Variants in CPNE8 observed in about 807,000 individuals in gnomAD.
CPNE8 encodes copine-8.
In CPNE8, 45 loss-of-function variants were observed where a neutral mutation model predicts 81.5. That is an observed-to-expected ratio of 0.55 (90% CI 0.44 to 0.71). The LOEUF (loss-of-function observed/expected upper bound fraction) is 0.71. CPNE8 is among the 30% of genes least tolerant of loss of function. The pLI, the probability that CPNE8 is intolerant of heterozygous loss-of-function variation, is 0.00. For missense variants in CPNE8, 594 were observed against 672.1 expected, an observed-to-expected ratio of 0.88 and a Z score of 1.28; for synonymous variants, 252 against 226.3, an observed-to-expected ratio of 1.11 and a Z score of -1.02.
At chr12:38,734,918 G>C (rs992131373) in intron 10 of CPNE8, among the ~76,000 whole-genome samples, 9 of 152,058 alleles carry the variant, frequency 5.9e-5, no homozygotes, top group Non-Finnish European at 1.3e-4. Context: ...GGCTTGTGTT[G>C]TTCTCATGCA....
intron 3 of CPNE8, among the ~76,000 whole-genome samples, chr12:38,870,165 T>C (rs889927116): frequency 7.2e-5 from 11 of 152,146 alleles, no homozygotes; most frequent in Admixed American, 4.6e-4. Flanking sequence ...GTGGAGAAAA[T>C]AGGAATGCTT....
chr12:38,763,593 T>C (rs1194036774), intron 8 of CPNE8, among the ~76,000 whole-genome samples: 2 of 152,192 alleles, frequency 1.3e-5, no homozygotes, highest in Non-Finnish European at 2.9e-5. Flanking sequence ...TGGGGCAGAA[T>C]TCATGAAGCC....
rs758934752 is a variant in CPNE8 at position 38,675,760 on chromosome 12, T to G, written c.1389A>C (p.Pro463=). 2 of 1,604,716 alleles carry G rather than the reference T, an allele frequency of 1.2e-6. No homozygotes were observed. Among genetic ancestry groups the G allele is most frequent in the Admixed American group, 3.3e-5 (2 of 59,888 alleles). Residue 463 remains proline (P), a synonymous_variant, in exon 18 of 20, where the codon CCA becomes CCC. Transcript: ENST00000331366. Reference sequence around the variant, plus strand: ...CAACACCTACTATAATTATTGACATTGGAAGTTTTGAGGCCTTCAAAGAGA... The same window carrying G: ...CAACACCTACTATAATTATTGACATGGGAAGTTTTGAGGCCTTCAAAGAGA... ...KESIVNASKL[P]MSIIIVGVGP...
At chr12:38,730,420 A>C in intron 10 of CPNE8, 62 bp from the exon 11 acceptor site, 1 of 907,522 alleles carries the variant, frequency 1.1e-6, no homozygotes, top group South Asian at 1.5e-5. Context: ...CTGTATTTTA[A>C]AGTTTTTAGA....
chr12:38,653,711 T>G lies in CPNE8; in HGVS notation c.*171A>C. ...TCTGTTGCTCATGCAACAACCATAT[T>G]TACAGTTTTGGTTTAGGAAGATATT... On this transcript the variant is annotated 3_prime_UTR_variant, in exon 20 of 20. Coordinates refer to ENST00000331366, the MANE Select transcript of CPNE8 (RefSeq NM_153634.3). 1.1e-6 allele frequency: 1 copy of G among 927,000 alleles called. No homozygotes were observed. Among genetic ancestry groups the G allele is most frequent in the Non-Finnish European group, 1.5e-6 (1 of 686,396 alleles). 57.4% of individuals were successfully genotyped at this position (927,000 alleles called of 1,614,324 possible).
intron 3 of CPNE8, among the ~76,000 whole-genome samples, chr12:38,859,711 A>G (rs1163626979): frequency 3.3e-5 from 5 of 152,156 alleles, no homozygotes; most frequent in African/African-American, 7.2e-5. Flanking sequence ...CATAGTACTG[A>G]TAACAACAGC....
intron 14 of CPNE8, 54 bp from the exon 15 acceptor site, chr12:38,693,892 C>T (rs1188148583): frequency 7.1e-7 from 1 of 1,412,852 alleles, no homozygotes; most frequent in African/African-American, 1.4e-5. Context: ...ATAAATTTAA[C>T]AAAATTTTTC....
intron 19 of CPNE8, among the ~76,000 whole-genome samples, chr12:38,666,712 CT>C (rs1384011332): frequency 1.3e-5 from 2 of 152,072 alleles, no homozygotes; most frequent in Non-Finnish European, 1.5e-5. Flanking sequence ...TAAAGAAGAG[CT>C]TGAAGTCAGG....
chr12:38,782,822 A>C lies in CPNE8; in HGVS notation c.408-6521T>G, dbSNP rs539076219. On this transcript the variant is annotated intron_variant, in intron 6 of 19. Transcript: ENST00000331366. ...CAGCCTTCCAAGTAGCTAGGAATACACATATGTGCCACCATGCTCAGCTAA... is the reference window on the plus strand; with the variant it reads ...CAGCCTTCCAAGTAGCTAGGAATACCCATATGTGCCACCATGCTCAGCTAA... Among the ~76,000 whole-genome samples the C allele has an allele frequency of 1.4e-4, 22 of 152,068 alleles. No individual in the cohort carries two copies. In the South Asian group the frequency reaches 2.7e-3, roughly 19 times the overall value.
intron 10 of CPNE8, among the ~76,000 whole-genome samples, chr12:38,754,095 T>C (rs955710636): frequency 6.6e-6 from 1 of 152,204 alleles, no homozygotes; most frequent in Non-Finnish European, 1.5e-5. Flanking sequence ...TGACTTTCAA[T>C]GTACAAGGAA....
chr12:38,787,486 TAAA>T (rs34801044), intron 6 of CPNE8, among the ~76,000 whole-genome samples: 3 of 130,486 alleles, frequency 2.3e-5, no homozygotes, highest in African/African-American at 2.8e-5. Context: ...GTGCTTCCAT[TAAA>T]AAAAAAAAAA....
intron 1 of CPNE8, among the ~76,000 whole-genome samples, chr12:38,877,394 GAGA>G (rs1565658953): frequency 1.3e-5 from 2 of 151,902 alleles, no homozygotes; most frequent in Non-Finnish European, 2.9e-5. Context: ...GATTTTATAT[GAGA>G]AGGCTACTCT....
At chr12:38,838,433 A>G (rs1943419277) in intron 5 of CPNE8, among the ~76,000 whole-genome samples, 1 of 152,196 alleles carries the variant, frequency 6.6e-6, no homozygotes, top group Non-Finnish European at 1.5e-5. Context: ...CTTCACATTT[A>G]TGACATGCTC....
At position 38,829,388 on chromosome 12, in the gene CPNE8, T is replaced by G; in HGVS notation, c.398A>C (p.Lys133Thr). Reference protein sequence around the residue: ...IVGSQGSRLEKPIVGIPGKKC... With the variant: ...IVGSQGSRLETPIVGIPGKKC... ...ATTAAAAAATACTTACACTATTGGT[T>G]TTTCCAGGCGACTTCCCTGTGAACC... is the stretch of plus-strand genomic sequence containing the variant. Residue 133 changes from lysine (K) to threonine (T), a missense_variant, in exon 6 of 20, where the codon AAA becomes ACA. Lys to Thr is a moderately conservative substitution (Grantham distance 78, BLOSUM62 -1). Transcript: ENST00000331366. 6.2e-7 allele frequency: 1 copy of G among 1,610,450 alleles called. No individual in the cohort carries two copies. Among genetic ancestry groups the G allele is most frequent in the Non-Finnish European group, 8.5e-7 (1 of 1,176,712 alleles).
chr12:38,726,150 A>G (rs145537980), intron 11 of CPNE8, among the ~76,000 whole-genome samples: 24 of 152,058 alleles, frequency 1.6e-4, no homozygotes, highest in Non-Finnish European at 2.9e-4. Flanking sequence ...CCCCTGGTCT[A>G]CAGGATAGAG....
chr12:38,717,426 G>GTTATATATATATATATATATAT (rs1565581359), intron 13 of CPNE8, among the ~76,000 whole-genome samples: 1 of 27,780 alleles, frequency 3.6e-5, no homozygotes. Context: ...AAGAAAGTGT[G>GTTATATATATATATATATATAT]GTGTATATAT....
intron 3 of CPNE8, among the ~76,000 whole-genome samples, chr12:38,852,191 G>A (rs1410087738): frequency 3.3e-5 from 5 of 152,216 alleles, no homozygotes; most frequent in African/African-American, 9.6e-5. Context: ...ACTTTGGGAG[G>A]CCAAGGTGGG....
rs750153784 is a variant in CPNE8, at chr12:38,693,720, A to G, written c.1080T>C (p.Phe360=). The G allele has an allele frequency of 4.3e-6, 7 of 1,613,654 alleles. No homozygotes were observed. The highest frequency in any genetic ancestry group is 1.3e-5 in the African/African-American group (1 of 75,034). ...GTTTTGCACCAAATCCTAGAGCTGG[A>G]AACATTTTATCACTGTCATAATCTT... ...IVQDYDSDKM[F]PALGFGAKLP... The change falls in exon 15 of 20, where the codon TTT becomes TTC. Residue 360 remains phenylalanine, a synonymous_variant. Transcript: ENST00000331366.
chr12:38,875,671 CA>C (rs1012901234), intron 1 of CPNE8, among the ~76,000 whole-genome samples: 1 of 152,022 alleles, frequency 6.6e-6, no homozygotes, highest in Non-Finnish European at 1.5e-5. Context: ...ACTGAAAAAA[CA>C]AAAACATATT....
Sources: allele counts gnomAD v4.1 joint callset (sites outside exome capture counted in the v4.1 genomes callset), GRCh38; gene constraint gnomAD v4.1.1; transcripts MANE v1.5; gene names NCBI Gene and HGNC (gene_info 2026-07-23, HGNC 2026-07-21).